SPAG16: variants seen among roughly 807,000 people sequenced by gnomAD.
SPAG16 encodes the protein sperm-associated antigen 16 protein.
SPAG16 carries 86 observed loss-of-function variants against 80.4 expected under a neutral mutation model. The ratio of observed to expected loss-of-function variants is 1.07; its 90% CI spans 0.90 to 1.28. The LOEUF (loss-of-function observed/expected upper bound fraction) is 1.28. Ranked by LOEUF, SPAG16 falls within the 50% of genes most tolerant of loss-of-function variation. The pLI, the probability that SPAG16 is intolerant of heterozygous loss-of-function variation, is 0.00. For missense variants in SPAG16, 870 were observed against 765.3 expected (o/e 1.14, Z -1.61); for synonymous variants, 294 against 265.9 (o/e 1.11, Z -1.03).
In SPAG16 at chr2:213,318,395, CAG is replaced by C. The variant is rs200853142; in HGVS notation, c.536+1041_536+1042del. ...GGCCCTCACCCTTAGTGAAATGACT[CAG>C]AAACAGAAAGTCAAAAACCACATAT... On this transcript the variant is annotated intron_variant, in intron 5 of 15. Transcript: ENST00000331683. Among the ~76,000 whole-genome samples the C allele has an allele frequency of 1.7e-4, 26 of 152,062 alleles. No homozygotes were observed. The East Asian group carries it at 4.6e-3, about 27-fold the overall frequency.
chr2:213,600,591 A>T (rs1407424975), intron 10 of SPAG16, among the ~76,000 whole-genome samples: 1 of 152,198 alleles, frequency 6.6e-6, no homozygotes, highest in Non-Finnish European at 1.5e-5. Context: ...TCAGTTACCA[A>T]CTTTCTCCAT....
intron 6 of SPAG16, among the ~76,000 whole-genome samples, chr2:213,349,941 G>A (rs1168053633): frequency 2.0e-5 from 3 of 152,094 alleles, no homozygotes; most frequent in Non-Finnish European, 2.9e-5. Context: ...AGAGCTGTAT[G>A]TTTTATCCAT....
chr2:213,934,930 C>T (rs151256377), intron 12 of SPAG16, among the ~76,000 whole-genome samples: 110 of 152,192 alleles, frequency 7.2e-4, no homozygotes, highest in Middle Eastern at 6.8e-3. Context: ...AGGCCTGGTG[C>T]GGTGGCTCAT....
intron 14 of SPAG16, among the ~76,000 whole-genome samples, chr2:214,140,341 A>G (rs2055286347): frequency 6.6e-6 from 1 of 151,892 alleles, no homozygotes; most frequent in Non-Finnish European, 1.5e-5. Flanking sequence ...ATCGTCATAA[A>G]ATGTGGCCTT....
At chr2:213,353,873 A>C (rs1286275367) in intron 7 of SPAG16, among the ~76,000 whole-genome samples, 1 of 152,194 alleles carries the variant, frequency 6.6e-6, no homozygotes, top group East Asian at 1.9e-4. Flanking sequence ...CCCAATTTAG[A>C]AAATCTTTAT....
chr2:213,389,271 A>G (rs1019405630), intron 9 of SPAG16, among the ~76,000 whole-genome samples: 2 of 152,158 alleles, frequency 1.3e-5, no homozygotes, highest in Admixed American at 1.3e-4. Context: ...AACTCAAAAT[A>G]ATCAAAGACC....
intron 15 of SPAG16, among the ~76,000 whole-genome samples, chr2:214,386,138 G>A (rs1002717681): frequency 6.6e-6 from 1 of 152,206 alleles, no homozygotes; most frequent in African/African-American, 2.4e-5. Context: ...ACTTCGGGAG[G>A]CTGAGGCAGG....
intron 10 of SPAG16, among the ~76,000 whole-genome samples, chr2:213,546,094 A>G (rs543516104): frequency 1.3e-5 from 2 of 152,118 alleles, no homozygotes; most frequent in African/African-American, 4.8e-5. Context: ...CAATTTTTCT[A>G]TGAATGAGGA....
intron 10 of SPAG16, among the ~76,000 whole-genome samples, chr2:213,528,317 A>C (rs1201972924): frequency 6.6e-6 from 1 of 152,138 alleles, no homozygotes; most frequent in Non-Finnish European, 1.5e-5. Context: ...GGGTGGGGGT[A>C]AGAATTGAGT....
At chr2:214,143,479 A>G (rs2055476716) in intron 14 of SPAG16, among the ~76,000 whole-genome samples, 1 of 152,096 alleles carries the variant, frequency 6.6e-6, no homozygotes, top group Non-Finnish European at 1.5e-5. Flanking sequence ...CTCATCATAT[A>G]GTTGTGAGAG....
intron 14 of SPAG16, among the ~76,000 whole-genome samples, chr2:214,143,461 C>T (rs2055474592): frequency 6.6e-6 from 1 of 151,980 alleles, no homozygotes; most frequent in South Asian, 2.1e-4. Context: ...GGTAGAATCA[C>T]AGTTTGACTC....
rs554900886 is a variant in SPAG16 at position 213,300,753 on chromosome 2, T to G, written c.279+3396T>G. Among the ~76,000 whole-genome samples the G allele has an allele frequency of 3.9e-5, 6 of 152,278 alleles. No homozygotes were observed. The South Asian group carries it at 1.0e-3, about 26-fold the overall frequency. Reference sequence around the variant, plus strand: ...GTAAATAAATGAATATTTTAAAATTTAATATCCAATATATAATTCTTGATA... The same window carrying G: ...GTAAATAAATGAATATTTTAAAATTGAATATCCAATATATAATTCTTGATA... On this transcript the variant is annotated intron_variant, in intron 3 of 15. Coordinates refer to ENST00000331683, the MANE Select transcript of SPAG16 (RefSeq NM_024532.5).
intron 6 of SPAG16, among the ~76,000 whole-genome samples, chr2:213,340,670 T>C (rs772945275): frequency 2.0e-4 from 31 of 152,140 alleles, no homozygotes; most frequent in Non-Finnish European, 3.2e-4. Flanking sequence ...TGAAAAAACA[T>C]GTTACGTTCA....
At chr2:213,384,130 A>C (rs1011899229) in intron 9 of SPAG16, among the ~76,000 whole-genome samples, 3 of 152,182 alleles carry the variant, frequency 2.0e-5, no homozygotes, top group Non-Finnish European at 2.9e-5. Flanking sequence ...CTAGGGAATT[A>C]TATGGAAATA....
intron 10 of SPAG16, among the ~76,000 whole-genome samples, chr2:213,794,411 T>A (rs1575155800): frequency 6.6e-6 from 1 of 152,124 alleles, no homozygotes; most frequent in East Asian, 1.9e-4. Flanking sequence ...AAACAAAGTA[T>A]CTAGGCTCTC....
intron 15 of SPAG16, among the ~76,000 whole-genome samples, chr2:214,321,583 A>T (rs1256810783): frequency 6.6e-6 from 1 of 152,212 alleles, no homozygotes; most frequent in African/African-American, 2.4e-5. Context: ...TAAAGTTACT[A>T]TATAGTCAAA....
At chr2:214,149,734 C>A (rs1366755085) in intron 15 of SPAG16, among the ~76,000 whole-genome samples, 1 of 151,960 alleles carries the variant, frequency 6.6e-6, no homozygotes, top group African/African-American at 2.4e-5. Flanking sequence ...TTGAGATAAA[C>A]ATTTATCTTA....
intron 10 of SPAG16, among the ~76,000 whole-genome samples, chr2:213,672,142 G>A (rs2063833060): frequency 6.6e-6 from 1 of 151,822 alleles, no homozygotes; most frequent in African/African-American, 2.4e-5. Flanking sequence ...AAACAATGAA[G>A]GTTCATTTCC....
chr2:213,515,601 G>T (rs185631846), intron 10 of SPAG16, among the ~76,000 whole-genome samples: 1 of 152,036 alleles, frequency 6.6e-6, no homozygotes, highest in African/African-American at 2.4e-5. Flanking sequence ...AAACAGTTTG[G>T]TTCTATACTT....
Sources: gnomAD v4.1 joint callset for allele counts (sites outside exome capture counted in the v4.1 genomes callset) on GRCh38, gnomAD v4.1.1 for gene constraint, MANE v1.5 for transcripts, NCBI Gene and HGNC (gene_info 2026-07-23, HGNC 2026-07-21) for gene names.